CLSTN2: variants seen among roughly 807,000 people sequenced by gnomAD.
The protein encoded by CLSTN2 is calsyntenin 2, also known as calsyntenin-2.
CLSTN2 carries 48 observed loss-of-function variants against 101.2 expected under a neutral mutation model. That is an observed-to-expected ratio of 0.47 (90% CI 0.38 to 0.60). The LOEUF (loss-of-function observed/expected upper bound fraction) is 0.60. CLSTN2 is among the 20% of genes least tolerant of loss of function. The probability of loss-of-function intolerance (pLI) is 0.00; values close to 1 mark genes in which losing one functional copy is unlikely to be tolerated. For synonymous variants in CLSTN2, 481 were observed against 463.6 expected (o/e 1.04, Z -0.48); for missense variants, 1,160 against 1,238.2 (o/e 0.94, Z 0.95).
At chr3:140,328,206 G>T (rs1440517993) in intron 2 of CLSTN2, among the ~76,000 whole-genome samples, 1 of 152,106 alleles carries the variant, frequency 6.6e-6, no homozygotes, top group Admixed American at 6.6e-5. Context: ...ACACTTTCAG[G>T]CATCTTGCAA....
intron 10 of CLSTN2, among the ~76,000 whole-genome samples, chr3:140,548,639 A>C (rs577499752): frequency 6.6e-6 from 1 of 152,362 alleles, no homozygotes; most frequent in African/African-American, 2.4e-5. Flanking sequence ...GAGTGATGAG[A>C]GAGGGCTGAG....
intron 5 of CLSTN2, among the ~76,000 whole-genome samples, chr3:140,445,916 G>A (rs140652242): frequency 9.3e-4 from 141 of 152,266 alleles, no homozygotes; most frequent in African/African-American, 3.3e-3. Flanking sequence ...TAATGCTGCA[G>A]CCTCATGTTG....
intron 2 of CLSTN2, among the ~76,000 whole-genome samples, chr3:140,372,726 A>G (rs1315784044): frequency 6.6e-6 from 1 of 152,158 alleles, no homozygotes; most frequent in Non-Finnish European, 1.5e-5. Context: ...ATGCTCTATA[A>G]AAGTGCAGCT....
intron 8 of CLSTN2, among the ~76,000 whole-genome samples, chr3:140,492,777 G>C (rs1934377796): frequency 6.6e-6 from 1 of 152,176 alleles, no homozygotes; most frequent in Non-Finnish European, 1.5e-5. Context: ...AGCTGTGTCT[G>C]ACTCATAGTA....
At chr3:140,517,070 C>T (rs1246502301) in intron 8 of CLSTN2, among the ~76,000 whole-genome samples, 3 of 151,976 alleles carry the variant, frequency 2.0e-5, no homozygotes, top group Admixed American at 6.6e-5. Flanking sequence ...AATTCAAAAG[C>T]CTTGTCTTCA....
intron 8 of CLSTN2, among the ~76,000 whole-genome samples, chr3:140,531,405 A>G (rs17415202): frequency 0.092 from 14,056 of 152,290 alleles, 859 homozygotes; most frequent in Non-Finnish European, 0.14. Context: ...GAGAAACAGC[A>G]TATTTAATCA....
intron 1 of CLSTN2, among the ~76,000 whole-genome samples, chr3:140,027,808 C>A (rs937416398): frequency 6.6e-6 from 1 of 152,188 alleles, no homozygotes; most frequent in African/African-American, 2.4e-5. Context: ...GATCTTTTAA[C>A]CCAGAGGGGA....
chr3:140,367,706 G>C (rs11714825), intron 2 of CLSTN2, among the ~76,000 whole-genome samples: 63,096 of 151,964 alleles, frequency 0.42, 13,942 homozygotes, highest in Non-Finnish European at 0.5. Context: ...TAATACACGA[G>C]GTCCCTAATG....
intron 1 of CLSTN2, among the ~76,000 whole-genome samples, chr3:140,127,251 C>T (rs1308608670): frequency 3.9e-5 from 6 of 152,100 alleles, no homozygotes; most frequent in South Asian, 2.1e-4. Flanking sequence ...GCATTTGACC[C>T]GGGGCAAATT....
intron 8 of CLSTN2, among the ~76,000 whole-genome samples, chr3:140,530,865 T>G (rs1288707598): frequency 2.0e-5 from 3 of 152,196 alleles, no homozygotes; most frequent in Non-Finnish European, 2.9e-5. Context: ...TCCAGATACC[T>G]CTGGGAATAT....
At chr3:140,103,825 G>A (rs1321344056) in intron 1 of CLSTN2, among the ~76,000 whole-genome samples, 2 of 152,156 alleles carry the variant, frequency 1.3e-5, no homozygotes, top group African/African-American at 4.8e-5. Context: ...AGAGTTTATG[G>A]ACTAAATGGG....
chr3:140,040,798 T>A (rs2107763630), intron 1 of CLSTN2, among the ~76,000 whole-genome samples: 1 of 152,226 alleles, frequency 6.6e-6, no homozygotes, highest in East Asian at 1.9e-4. Flanking sequence ...CTGTTGATAA[T>A]GCAGCACGAG....
chr3:140,184,977 T>G (rs558603259), intron 2 of CLSTN2, among the ~76,000 whole-genome samples: 2 of 152,126 alleles, frequency 1.3e-5, no homozygotes, highest in African/African-American at 2.4e-5. Flanking sequence ...CTACCACTGG[T>G]GTGGCCCATA....
intron 1 of CLSTN2, among the ~76,000 whole-genome samples, chr3:139,973,837 T>C (rs1436563082): frequency 6.6e-6 from 1 of 152,118 alleles, no homozygotes; most frequent in Non-Finnish European, 1.5e-5. Flanking sequence ...ATGGGGTCTC[T>C]CTTTGTTGCC....
At chr3:140,063,520 A>G (rs1413403678) in intron 1 of CLSTN2, among the ~76,000 whole-genome samples, 2 of 152,180 alleles carry the variant, frequency 1.3e-5, no homozygotes, top group Non-Finnish European at 1.5e-5. Flanking sequence ...GCTCACAGTC[A>G]CACTGTGAGG....
At chr3:140,224,142 G>A (rs1251326915) in intron 2 of CLSTN2, among the ~76,000 whole-genome samples, 1 of 152,164 alleles carries the variant, frequency 6.6e-6, no homozygotes, top group African/African-American at 2.4e-5. Flanking sequence ...AAGCAATAAA[G>A]TGGAACAGTT....
intron 9 of CLSTN2, among the ~76,000 whole-genome samples, chr3:140,539,000 C>T (rs1935415146): frequency 6.6e-6 from 1 of 152,222 alleles, no homozygotes; most frequent in Non-Finnish European, 1.5e-5. Flanking sequence ...ATAGAACTCA[C>T]TCTGTGAAAC....
At chr3:139,958,084 C>A (rs1014934708) in intron 1 of CLSTN2, among the ~76,000 whole-genome samples, 2 of 152,158 alleles carry the variant, frequency 1.3e-5, no homozygotes, top group African/African-American at 4.8e-5. Context: ...AGCCAGGGTG[C>A]CTGGCTGCTT....
chr3:140,153,364 G>C (rs925496474), intron 1 of CLSTN2, among the ~76,000 whole-genome samples: 4 of 152,252 alleles, frequency 2.6e-5, no homozygotes, highest in Non-Finnish European at 5.9e-5. Flanking sequence ...CTTCAAGGCT[G>C]GAGCCACCTC....
Sources: gnomAD v4.1 joint callset for allele counts (sites outside exome capture counted in the v4.1 genomes callset) on GRCh38, gnomAD v4.1.1 for gene constraint, MANE v1.5 for transcripts, NCBI Gene and HGNC (gene_info 2026-07-23, HGNC 2026-07-21) for gene names.